Variants in CRTC3 observed in about 807,000 individuals in gnomAD.
CRTC3 encodes CREB-regulated transcription coactivator 3.
A neutral mutation model predicts 74.5 loss-of-function variants in CRTC3; 26 were observed. The observed-to-expected ratio is 0.35, with a 90% CI of 0.26 to 0.48. The LOEUF is 0.48. Ranked by LOEUF, CRTC3 falls within the 20% of genes least tolerant of loss-of-function variation. The pLI is 0.99. For synonymous variants in CRTC3, 377 were observed against 325.8 expected, an observed-to-expected ratio of 1.16 and a Z score of -1.69; for missense variants, 760 against 787.3, an observed-to-expected ratio of 0.97 and a Z score of 0.41.
intron 2 of CRTC3, among the ~76,000 whole-genome samples, chr15:90,565,747 G>A (rs758469030): frequency 5.3e-5 from 8 of 152,082 alleles, no homozygotes; most frequent in Non-Finnish European, 1.2e-4. Flanking sequence ...ATTGTTTTGG[G>A]GTCCCGTGAA....
intron 2 of CRTC3, among the ~76,000 whole-genome samples, chr15:90,571,907 A>G (rs1225942967): frequency 6.6e-6 from 1 of 152,178 alleles, no homozygotes; most frequent in Non-Finnish European, 1.5e-5. Flanking sequence ...CACACCTGTA[A>G]TCCCAGCACT....
At chr15:90,626,956 A>G (rs1968858259) in intron 10 of CRTC3, among the ~76,000 whole-genome samples, 1 of 152,200 alleles carries the variant, frequency 6.6e-6, no homozygotes. Flanking sequence ...TCTTACTCCC[A>G]GTGGTGCAGT....
intron 2 of CRTC3, among the ~76,000 whole-genome samples, chr15:90,571,305 G>C (rs1258841727): frequency 6.6e-6 from 1 of 152,196 alleles, no homozygotes; most frequent in Admixed American, 6.5e-5. Context: ...AACGGGTTGG[G>C]AGGAGGTCCC....
intron 1 of CRTC3, among the ~76,000 whole-genome samples, chr15:90,533,956 G>A (rs148256113): frequency 6.6e-6 from 1 of 152,172 alleles, no homozygotes; most frequent in Non-Finnish European, 1.5e-5. Context: ...TGTGAGATGA[G>A]GCTGGAGGCA....
chr15:90,571,245 T>C (rs1423780906), intron 2 of CRTC3, among the ~76,000 whole-genome samples: 2 of 152,072 alleles, frequency 1.3e-5, no homozygotes, highest in Non-Finnish European at 2.9e-5. Flanking sequence ...AAACCCACAA[T>C]AGAGGAGTTC....
At chr15:90,601,209 A>G (rs1410257784) in intron 3 of CRTC3, among the ~76,000 whole-genome samples, 1 of 152,304 alleles carries the variant, frequency 6.6e-6, no homozygotes, top group East Asian at 1.9e-4. Context: ...GTAGTGCAGC[A>G]TCCCATTTGT....
At chr15:90,641,792 G>T (rs1348398022) in intron 14 of CRTC3, 140 bp from the exon 15 acceptor site, 8 of 680,198 alleles carry the variant, frequency 1.2e-5, no homozygotes, top group Non-Finnish European at 1.8e-5. Flanking sequence ...TAGATTCCAG[G>T]GCAAGAACTG....
intron 1 of CRTC3, among the ~76,000 whole-genome samples, chr15:90,537,825 C>T (rs1966744536): frequency 6.6e-6 from 1 of 152,180 alleles, no homozygotes; most frequent in Non-Finnish European, 1.5e-5. Flanking sequence ...CAGGCATGCA[C>T]CACCACAGCT....
At chr15:90,600,796 A>G (rs1197427964) in intron 3 of CRTC3, 1 of 152,144 alleles carries the variant, frequency 6.6e-6, no homozygotes, top group Non-Finnish European at 1.5e-5. Flanking sequence ...AAAGTTTGGG[A>G]TGAAAAGTAT....
intron 13 of CRTC3, among the ~76,000 whole-genome samples, chr15:90,640,310 C>G (rs1969393116): frequency 6.6e-6 from 1 of 152,178 alleles, no homozygotes; most frequent in African/African-American, 2.4e-5. Context: ...CTCATAGAGG[C>G]TTTCTCATAG....
At chr15:90,550,961 C>G (rs1966854792) in intron 2 of CRTC3, among the ~76,000 whole-genome samples, 1 of 152,038 alleles carries the variant, frequency 6.6e-6, no homozygotes, top group Admixed American at 6.6e-5. Context: ...GAGGCTGATT[C>G]TCATTAAATA....
At chr15:90,632,496 G>A (rs1182056671) in intron 11 of CRTC3, among the ~76,000 whole-genome samples, 2 of 152,146 alleles carry the variant, frequency 1.3e-5, no homozygotes, top group Non-Finnish European at 2.9e-5. Context: ...AAGTAAAATA[G>A]TTCTAAAGGG....
chr15:90,545,559 C>G (rs528627195), intron 2 of CRTC3, among the ~76,000 whole-genome samples: 1 of 150,820 alleles, frequency 6.6e-6, no homozygotes, highest in Non-Finnish European at 1.5e-5. Flanking sequence ...CCCACCACAC[C>G]TGGCTAATTT....
chr15:90,571,773 A>G (rs1306014340), intron 2 of CRTC3, among the ~76,000 whole-genome samples: 1 of 152,150 alleles, frequency 6.6e-6, no homozygotes, highest in Non-Finnish European at 1.5e-5. Context: ...CCCTTTCTGC[A>G]GTTTTCTGGG....
intron 11 of CRTC3, 66 bp from the exon 12 acceptor site, chr15:90,638,380 A>G: frequency 7.2e-7 from 1 of 1,383,142 alleles, no homozygotes; most frequent in South Asian, 1.2e-5. Flanking sequence ...GACATTTCCT[A>G]ATCCTAAAGG....
chr15:90,632,105 C>CA (rs534227794), intron 11 of CRTC3, among the ~76,000 whole-genome samples: 75 of 146,864 alleles, frequency 5.1e-4, no homozygotes, highest in Non-Finnish European at 9.4e-4. Flanking sequence ...GATGGGGTTT[C>CA]ACCATATTGC....
intron 6 of CRTC3, 130 bp from the exon 7 acceptor site, chr15:90,614,323 G>A: frequency 1.6e-6 from 1 of 616,312 alleles, no homozygotes. Context: ...ATGAAAATCA[G>A]TGTATCAAAA....
chr15:90,574,445 T>C (rs1229041062), intron 2 of CRTC3, among the ~76,000 whole-genome samples: 1 of 152,166 alleles, frequency 6.6e-6, no homozygotes, highest in Non-Finnish European at 1.5e-5. Context: ...GCCACTGTAC[T>C]CTAGCCTGGT....
At chr15:90,616,540 T>C (rs1968499175) in intron 7 of CRTC3, among the ~76,000 whole-genome samples, 1 of 152,200 alleles carries the variant, frequency 6.6e-6, no homozygotes, top group African/African-American at 2.4e-5. Flanking sequence ...TAAGACAGGA[T>C]AGTCATGACA....
Sources: gnomAD v4.1 joint callset for allele counts (sites outside exome capture counted in the v4.1 genomes callset) on GRCh38, gnomAD v4.1.1 for gene constraint, MANE v1.5 for transcripts, NCBI Gene and HGNC (gene_info 2026-07-23, HGNC 2026-07-21) for gene names.